Variants in CPNE1 observed in about 807,000 individuals in gnomAD.
CPNE1 encodes copine-1.
Under a neutral mutation model 63.2 loss-of-function variants are expected in CPNE1, and 58 were observed. The observed-to-expected ratio is 0.92, with a 90% CI of 0.74 to 1.14. The LOEUF is 1.14. Among genes scored for constraint, CPNE1 ranks in the 50% most tolerant of loss-of-function variants. The pLI is 0.00. For missense variants in CPNE1, 672 were observed against 661.7 expected (o/e 1.02, Z -0.17); for synonymous variants, 237 against 249.0 (o/e 0.95, Z 0.45).
intron 1 of CPNE1, chr20:35,652,828 C>T (rs2146344273): frequency 6.2e-7 from 1 of 1,604,016 alleles, no homozygotes; most frequent in Non-Finnish European, 8.5e-7. Context: ...AGGGCCGGGG[C>T]CGGGGCCGGG....
At chr20:35,647,122 C>A (rs2033154078) in intron 1 of CPNE1, among the ~76,000 whole-genome samples, 1 of 151,666 alleles carries the variant, frequency 6.6e-6, no homozygotes, top group African/African-American at 2.4e-5. Flanking sequence ...ACCAGCCTGG[C>A]CAACATGGTG....
chr20:35,661,956 G>T (rs770825154), intron 1 of CPNE1, among the ~76,000 whole-genome samples: 7 of 151,960 alleles, frequency 4.6e-5, no homozygotes, highest in Non-Finnish European at 8.8e-5. Flanking sequence ...CAATCACAAC[G>T]GGCACAATGC....
chr20:35,632,520 T>C lies in CPNE1; in HGVS notation c.306A>G (p.Gly102=), dbSNP rs1290633262. Residue 102 remains glycine (G), a synonymous_variant, in exon 3 of 16, where the codon GGA becomes GGG. Coordinates refer to ENST00000397443, the MANE Select transcript of CPNE1 (RefSeq NM_152925.3). Reference sequence around the variant, plus strand: ...CCTAATCCCCAGCCCTACATACCTGTCCTAGGGAACACTCAGCACCCCCTA... The same window carrying C: ...CCTAATCCCCAGCCCTACATACCTGCCCTAGGGAACACTCAGCACCCCCTA... ...DFLGGAECSL[G]QIVSSQVLTL... 1 of 1,613,432 alleles carries C rather than the reference T, an allele frequency of 6.2e-7. No individual in the cohort carries two copies. The highest frequency in any genetic ancestry group is 1.7e-5 in the Admixed American group (1 of 59,996).
At chr20:35,633,726 G>A (rs984081895) in intron 1 of CPNE1, among the ~76,000 whole-genome samples, 1 of 152,150 alleles carries the variant, frequency 6.6e-6, no homozygotes, top group Non-Finnish European at 1.5e-5. Flanking sequence ...GCCAAGGTGG[G>A]CAGATCACTT....
At chr20:35,647,306 C>T in intron 1 of CPNE1, 2 of 84,714 alleles carry the variant, frequency 2.4e-5, no homozygotes, top group South Asian at 5.0e-4. Flanking sequence ...AAGCGTGAGA[C>T]TTTGTCTCAA....
At chr20:35,633,678 C>T (rs999244058) in intron 1 of CPNE1, among the ~76,000 whole-genome samples, 4 of 152,186 alleles carry the variant, frequency 2.6e-5, no homozygotes, top group African/African-American at 7.2e-5. Context: ...TGAGGCCGGA[C>T]ACAGTGGCTC....
chr20:35,649,106 G>A (rs2146330817), intron 1 of CPNE1: 1 of 152,652 alleles, frequency 6.6e-6, no homozygotes, highest in East Asian at 1.9e-4. Flanking sequence ...TCTAAAGTCT[G>A]GACTACTATA....
intron 1 of CPNE1, chr20:35,655,123 G>T: frequency 6.2e-7 from 1 of 1,614,052 alleles, no homozygotes; most frequent in South Asian, 1.1e-5. Flanking sequence ...TGTTACTTTT[G>T]ACCCTTTAAT....
intron 1 of CPNE1, among the ~76,000 whole-genome samples, chr20:35,645,065 C>T (rs2146317749): frequency 6.6e-6 from 1 of 152,284 alleles, no homozygotes; most frequent in Middle Eastern, 3.4e-3. Context: ...TACTATACCG[C>T]CTTCCTGATG....
intron 1 of CPNE1, among the ~76,000 whole-genome samples, chr20:35,635,577 G>A (rs985700651): frequency 3.3e-5 from 5 of 152,036 alleles, no homozygotes; most frequent in African/African-American, 9.7e-5. Flanking sequence ...TCCTCCTGCA[G>A]CCACCATAAC....
At position 35,654,422 on chromosome 20, in the gene CPNE1, G is replaced by A. The variant is rs151048925; in HGVS notation, c.-1+10338C>T. The A allele has an allele frequency of 3.8e-5, 62 of 1,614,152 alleles. No individual in the cohort carries two copies. The African/African-American group carries it at 6.7e-4, about 17-fold the overall frequency. On this transcript the variant is annotated intron_variant, in intron 1 of 15. Transcript: ENST00000397443. ...TGCACACTGACATACAGATCATCAG[G>A]GTTGATGGGGAGTGGCTTCACACTG...
chr20:35,637,605 T>C (rs575366760), intron 1 of CPNE1, among the ~76,000 whole-genome samples: 1 of 151,650 alleles, frequency 6.6e-6, no homozygotes, highest in South Asian at 2.1e-4. Context: ...CCCAAGGATT[T>C]TCTTGTCTCT....
chr20:35,627,585 C>G, intron 13 of CPNE1, 172 bp from the exon 14 acceptor site: 1 of 594,928 alleles, frequency 1.7e-6, no homozygotes, highest in Non-Finnish European at 2.8e-6. Flanking sequence ...AACTAAGGTT[C>G]AAAGAGAGGA....
In CPNE1 at chr20:35,626,802, T is replaced by A. The variant is rs748150919; in HGVS notation, c.1238A>T (p.Gln413Leu). 28 of 1,613,172 alleles carry A rather than the reference T, an allele frequency of 1.7e-5. No homozygotes were observed. In the South Asian group the frequency reaches 2.7e-4, roughly 16 times the overall value. ...AQAAHQGTASQYFMLLLLTDG... is the reference protein window; with the variant it reads ...AQAAHQGTASLYFMLLLLTDG... ...AGTCAGCAGCAACAGCATGAAGTAT[T>A]GCTGGGGACAAGCCCATTCATGTCC... is the stretch of plus-strand genomic sequence containing the variant. The change falls in exon 15 of 16, where the codon CAA (glutamine) becomes CTA (leucine). Residue 413 changes from glutamine (Q) to leucine (L), a missense_variant and splice_region_variant. Gln to Leu is a moderately radical substitution (Grantham distance 113). Coordinates refer to ENST00000397443, the MANE Select transcript of CPNE1 (RefSeq NM_152925.3).
intron 1 of CPNE1, among the ~76,000 whole-genome samples, chr20:35,646,060 T>C (rs1356603867): frequency 6.6e-6 from 1 of 150,572 alleles, no homozygotes; most frequent in East Asian, 2.0e-4. Flanking sequence ...CTGAGCCACA[T>C]AGTGAAACTA....
Position 35,639,023 on chromosome 20 carries a change from G to A in CPNE1, c.1-6100C>T, listed in dbSNP as rs1420647421. Among the ~76,000 whole-genome samples, 157 of 151,910 alleles carry A rather than the reference G, an allele frequency of 1.0e-3. 4 individuals carry two copies. Among genetic ancestry groups the A allele is most frequent in the Non-Finnish European group, 1.6e-4 (11 of 67,988 alleles). On this transcript the variant is annotated intron_variant, in intron 1 of 15. Transcript: ENST00000397443. The stretch of plus-strand genomic sequence containing the variant: ...TAGCATTCTAAGAATATGGGTCACA[G>A]GAGTGTGTGCATTTGCCACTTCCAT...
At position 35,631,820 on chromosome 20, in the gene CPNE1, C is replaced by T. The variant is rs370880449; in HGVS notation, c.538-43G>A. The T allele has an allele frequency of 2.0e-5, 31 of 1,574,142 alleles. No homozygotes were observed. In the South Asian group the frequency reaches 2.4e-4, roughly 12 times the overall value. ...GGCCTCCAGTGAGCTCTGGCATGGC[C>T]CCCTGAGGAGCTGCCACACTTCTCT... is the stretch of plus-strand genomic sequence containing the variant. On this transcript the variant is annotated intron_variant, in intron 6 of 15. Transcript: ENST00000397443.
intron 13 of CPNE1, among the ~76,000 whole-genome samples, chr20:35,629,240 C>T (rs571693109): frequency 6.6e-6 from 1 of 152,354 alleles, no homozygotes; most frequent in Admixed American, 6.5e-5. Flanking sequence ...GCTCCTATGA[C>T]TATTCTTGCA....
rs2032198920 is a variant in CPNE1, at chr20:35,632,216, T to G, written c.403A>C (p.Lys135Gln). 2 of 1,614,072 alleles carry G rather than the reference T, an allele frequency of 1.2e-6. No homozygotes were observed. The highest frequency in any genetic ancestry group is 4.5e-5 in the East Asian group (2 of 44,878). ...GTITVSAQEL[K>Q]DNRVVTMEVE... ...TCCATGGTTACTACACGATTGTCCT[T>G]TAATTCCTGAGCTGAGACCTAGGTA... is the stretch of plus-strand genomic sequence containing the variant. The change falls in exon 5 of 16, where the codon AAG becomes CAG. Residue 135 changes from lysine to glutamine, a missense_variant. Lys to Gln is a moderately conservative substitution (Grantham distance 53, BLOSUM62 1). Transcript: ENST00000397443.
Sources: gnomAD v4.1 joint callset for allele counts (sites outside exome capture counted in the v4.1 genomes callset) on GRCh38, gnomAD v4.1.1 for gene constraint, MANE v1.5 for transcripts, NCBI Gene and HGNC (gene_info 2026-07-23, HGNC 2026-07-21) for gene names.